The following LIMCH1 variants were observed in gnomAD, a reference collection of about 807,000 sequenced individuals.
The protein encoded by LIMCH1 is LIM and calponin homology domains 1, also known as LIM and calponin homology domains-containing protein 1.
In LIMCH1, 113 loss-of-function variants were observed where a neutral mutation model predicts 176.5. The observed-to-expected ratio is 0.64, with a 90% confidence interval of 0.55 to 0.75. The LOEUF is 0.75. Among genes scored for constraint, LIMCH1 ranks in the 30% least tolerant of loss-of-function variants. The probability of loss-of-function intolerance (pLI) is 0.00; values close to 1 mark genes in which losing one functional copy is unlikely to be tolerated. For synonymous variants in LIMCH1, 619 were observed against 645.9 expected (o/e 0.96, Z 0.63); for missense variants, 1,674 against 1,814.9 (o/e 0.92, Z 1.41).
chr4:41,461,080 C>G (rs4298165), intron 1 of LIMCH1, among the ~76,000 whole-genome samples: 1 of 152,132 alleles, frequency 6.6e-6, no homozygotes, highest in Non-Finnish European at 1.5e-5. Flanking sequence ...AGTGGTTATC[C>G]TATGCTAGTC....
intron 1 of LIMCH1, among the ~76,000 whole-genome samples, chr4:41,556,386 ACT>A (rs1442188276): frequency 7.5e-6 from 1 of 134,132 alleles, no homozygotes; most frequent in African/African-American, 3.3e-5. Context: ...CAAGGGCAAA[ACT>A]CTATCTCAAA....
At chr4:41,382,768 C>T (rs920484146) in intron 1 of LIMCH1, among the ~76,000 whole-genome samples, 5 of 152,174 alleles carry the variant, frequency 3.3e-5, no homozygotes, top group Admixed American at 2.0e-4. Flanking sequence ...TTCCACGTCT[C>T]GTGAAGGCAG....
chr4:41,551,487 G>A, intron 1 of LIMCH1: 1 of 152,062 alleles, frequency 6.6e-6, no homozygotes, highest in East Asian at 1.9e-4. Flanking sequence ...TCTTCCAGGG[G>A]TAGGCTGTAT....
intron 4 of LIMCH1, among the ~76,000 whole-genome samples, chr4:41,610,848 A>G (rs1288326789): frequency 6.6e-6 from 1 of 152,182 alleles, no homozygotes; most frequent in Non-Finnish European, 1.5e-5. Context: ...ATTTCAGTCA[A>G]CAGTAGACAG....
intron 1 of LIMCH1, among the ~76,000 whole-genome samples, chr4:41,427,149 T>G (rs1212244561): frequency 6.6e-6 from 1 of 152,222 alleles, no homozygotes; most frequent in Non-Finnish European, 1.5e-5. Context: ...TAAACATTTC[T>G]TGCAAAATTT....
intron 22 of LIMCH1, 39 bp downstream of exon 22, chr4:41,671,633 T>A (rs1326844066): frequency 6.9e-7 from 1 of 1,439,132 alleles, no homozygotes; most frequent in African/African-American, 1.4e-5. Flanking sequence ...TATGAGTTAG[T>A]GTGATTTTAA....
At chr4:41,474,047 G>A (rs1291736073) in intron 1 of LIMCH1, among the ~76,000 whole-genome samples, 1 of 151,638 alleles carries the variant, frequency 6.6e-6, no homozygotes, top group Non-Finnish European at 1.5e-5. Context: ...GCACGGTGGT[G>A]CGCCCCTGTA....
chr4:41,507,960 C>T (rs13434750), intron 2 of LIMCH1, among the ~76,000 whole-genome samples: 16 of 151,930 alleles, frequency 1.1e-4, no homozygotes, highest in Middle Eastern at 3.4e-3. Flanking sequence ...GAGACCTGAA[C>T]GAAGAGGAGA....
intron 31 of LIMCH1, chr4:41,693,401 A>C (rs981773704): frequency 4.6e-5 from 7 of 152,164 alleles, no homozygotes; most frequent in Non-Finnish European, 8.8e-5. Flanking sequence ...ATGCCTATTA[A>C]TAAAATGGGA....
At chr4:41,417,641 C>T (rs1223727483) in intron 1 of LIMCH1, among the ~76,000 whole-genome samples, 1 of 152,142 alleles carries the variant, frequency 6.6e-6, no homozygotes, top group Non-Finnish European at 1.5e-5. Flanking sequence ...CCACCTCAGC[C>T]TCCCAAATAG....
At chr4:41,463,624 G>A (rs894855757) in intron 1 of LIMCH1, among the ~76,000 whole-genome samples, 3 of 150,130 alleles carry the variant, frequency 2.0e-5, no homozygotes, top group Non-Finnish European at 3.0e-5. Context: ...CGCCCAGGCT[G>A]TTGTGCAGAG....
At chr4:41,474,577 TC>T (rs1245566991) in intron 1 of LIMCH1, among the ~76,000 whole-genome samples, 1 of 152,158 alleles carries the variant, frequency 6.6e-6, no homozygotes, top group Non-Finnish European at 1.5e-5. Context: ...GAAAATATGC[TC>T]AACACCTCTA....
At chr4:41,633,188 G>A (rs891161423) in intron 12 of LIMCH1, 103 bp downstream of exon 12, 113 of 783,030 alleles carry the variant, frequency 1.4e-4, no homozygotes, top group Non-Finnish European at 2.1e-4. Flanking sequence ...TGCACCTGGC[G>A]ACTGATAGAG....
At chr4:41,677,155 T>G (rs2095243428) in intron 23 of LIMCH1, among the ~76,000 whole-genome samples, 1 of 139,086 alleles carries the variant, frequency 7.2e-6, no homozygotes, top group Non-Finnish European at 1.5e-5. Context: ...AGAGTGAGAA[T>G]GTCTAAAAAA....
chr4:41,415,069 C>T (rs1041620755), intron 1 of LIMCH1, among the ~76,000 whole-genome samples: 5 of 151,946 alleles, frequency 3.3e-5, no homozygotes, highest in South Asian at 2.1e-4. Flanking sequence ...ATTGAGGTGA[C>T]GCATGTAAAG....
chr4:41,553,217 G>T (rs1245619294), intron 1 of LIMCH1, among the ~76,000 whole-genome samples: 1 of 152,148 alleles, frequency 6.6e-6, no homozygotes, highest in Non-Finnish European at 1.5e-5. Context: ...GTGCATTCGG[G>T]GTTACAACCA....
chr4:41,481,021 A>AT (rs548316746), intron 1 of LIMCH1, among the ~76,000 whole-genome samples: 10,390 of 145,510 alleles, frequency 0.071, 458 homozygotes, highest in African/African-American at 0.11. Context: ...TCTTAATTAG[A>AT]TTTTTTTTTT....
At chr4:41,397,356 G>T (rs946656787) in intron 1 of LIMCH1, among the ~76,000 whole-genome samples, 1 of 152,136 alleles carries the variant, frequency 6.6e-6, no homozygotes, top group African/African-American at 2.4e-5. Flanking sequence ...TATCCTCGTT[G>T]TTTGAGACAG....
intron 1 of LIMCH1, among the ~76,000 whole-genome samples, chr4:41,370,853 T>G (rs547560296): frequency 2.6e-5 from 4 of 152,286 alleles, no homozygotes; most frequent in Non-Finnish European, 4.4e-5. Context: ...GTGCCTGATA[T>G]ATAAGATACT....
Sources: gnomAD v4.1 joint callset for allele counts (sites outside exome capture counted in the v4.1 genomes callset) on GRCh38, gnomAD v4.1.1 for gene constraint, MANE v1.5 for transcripts, NCBI Gene and HGNC (gene_info 2026-07-23, HGNC 2026-07-21) for gene names.